The following ATRNL1 variants were observed in gnomAD, a reference collection of about 807,000 sequenced individuals.
ATRNL1 encodes the protein attractin like 1, also known as attractin-like protein 1.
A neutral mutation model predicts 182.7 loss-of-function variants in ATRNL1; 95 were observed. That is an observed-to-expected ratio of 0.52 (90% CI 0.44 to 0.62). The LOEUF is 0.62. Ranked by LOEUF, ATRNL1 falls within the 20% of genes least tolerant of loss-of-function variation. ATRNL1 has a pLI of 0.00. For missense variants in ATRNL1, 1,471 were observed against 1,679.5 expected, an observed-to-expected ratio of 0.88 and a Z score of 2.17; for synonymous variants, 576 against 568.3, an observed-to-expected ratio of 1.01 and a Z score of -0.19.
chr10:115,531,047 T>A (rs1436544301), intron 25 of ATRNL1, among the ~76,000 whole-genome samples: 64 of 152,176 alleles, frequency 4.2e-4, no homozygotes, highest in African/African-American at 1.4e-3. Flanking sequence ...TTTGGGTTGG[T>A]TCCAAGTCTT....
chr10:115,384,054 ATTATT>A (rs1439323482), intron 19 of ATRNL1, among the ~76,000 whole-genome samples: 4 of 152,014 alleles, frequency 2.6e-5, no homozygotes, highest in African/African-American at 9.6e-5. Context: ...TAAAATTAAA[ATTATT>A]TAATTAGTAT....
At chr10:115,868,861 G>A (rs1417089842) in intron 28 of ATRNL1, among the ~76,000 whole-genome samples, 1 of 68,386 alleles carries the variant, frequency 1.5e-5, no homozygotes, top group Non-Finnish European at 2.9e-5. Flanking sequence ...ACGGAGTCTC[G>A]CTCTGTCGCC....
chr10:115,719,286 A>T (rs10885789), intron 26 of ATRNL1, among the ~76,000 whole-genome samples: 1 of 151,876 alleles, frequency 6.6e-6, no homozygotes, highest in Admixed American at 6.6e-5. Context: ...TGCCACATGA[A>T]GTACAGAACT....
intron 26 of ATRNL1, among the ~76,000 whole-genome samples, chr10:115,661,826 T>C (rs959685890): frequency 6.6e-5 from 10 of 152,016 alleles, no homozygotes; most frequent in Admixed American, 3.3e-4. Flanking sequence ...AACGTGCAGG[T>C]TAGTTACATA....
chr10:115,119,481 T>A (rs905648216), intron 1 of ATRNL1, among the ~76,000 whole-genome samples: 1 of 152,002 alleles, frequency 6.6e-6, no homozygotes, highest in Non-Finnish European at 1.5e-5. Flanking sequence ...CTTGATAAAA[T>A]AATTGGGCTG....
intron 25 of ATRNL1, among the ~76,000 whole-genome samples, chr10:115,537,700 A>ATTGTTGTTTGT (rs1565145958): frequency 1.3e-5 from 2 of 151,352 alleles, no homozygotes; most frequent in African/African-American, 4.9e-5. Flanking sequence ...TTTGGTCCTT[A>ATTGTTGTTTGT]TTGTTTGTTT....
chr10:115,644,006 G>GT (rs1859436031), intron 26 of ATRNL1, among the ~76,000 whole-genome samples: 1 of 152,132 alleles, frequency 6.6e-6, no homozygotes, highest in Non-Finnish European at 1.5e-5. Flanking sequence ...CACAAAAGCT[G>GT]TATGTGAACG....
chr10:115,918,312 G>A (rs997340512), intron 28 of ATRNL1, among the ~76,000 whole-genome samples: 2 of 151,882 alleles, frequency 1.3e-5, no homozygotes, highest in Admixed American at 6.6e-5. Context: ...CATGTTGGCC[G>A]GGCTGGTCTT....
intron 19 of ATRNL1, among the ~76,000 whole-genome samples, chr10:115,355,904 A>T (rs1338448561): frequency 6.6e-6 from 1 of 152,102 alleles, no homozygotes; most frequent in Non-Finnish European, 1.5e-5. Context: ...AGTTTTTAAC[A>T]GTGATAAACT....
rs199938013 is a variant in ATRNL1 at position 115,461,721 on chromosome 10, AT to A, written c.3323-219del. On this transcript the variant is annotated intron_variant, in intron 21 of 28. Coordinates refer to ENST00000355044, the MANE Select transcript of ATRNL1 (RefSeq NM_207303.4). ...TAACTTTGTAATAGCATCAGAAATA[AT>A]AAATAAAATTTTTAAGGAATTAGTA... Among the ~76,000 whole-genome samples the A allele has an allele frequency of 3.8e-3, 580 of 152,222 alleles. 7 individuals are homozygous for A. Among genetic ancestry groups the A allele is most frequent in the Non-Finnish European group, 4.0e-3 (275 of 67,984 alleles).
chr10:115,168,899 A>C lies in ATRNL1; in HGVS notation c.1093-2138A>C, dbSNP rs569708251. 3.3e-5 allele frequency among the ~76,000 whole-genome samples: 5 copies of C among 151,936 alleles called. No individual in the cohort carries two copies. The East Asian group carries it at 7.8e-4, about 24-fold the overall frequency. On this transcript the variant is annotated intron_variant, in intron 7 of 28. Coordinates refer to ENST00000355044, the MANE Select transcript of ATRNL1 (RefSeq NM_207303.4). Reference sequence around the variant, plus strand: ...ATTCATTGCCAAATCTCAGGTCATAAAGACTTAACCCAATTTTTTTTTTCT... The same window carrying C: ...ATTCATTGCCAAATCTCAGGTCATACAGACTTAACCCAATTTTTTTTTTCT...
intron 27 of ATRNL1, among the ~76,000 whole-genome samples, chr10:115,838,410 T>C (rs1950729445): frequency 1.3e-5 from 2 of 152,182 alleles, no homozygotes; most frequent in African/African-American, 4.8e-5. Context: ...GGGAAGAAGA[T>C]ATTGTGGAAA....
rs76552565 is a variant in ATRNL1 at position 115,745,083 on chromosome 10, T to C, written c.3903+17728T>C. Among the ~76,000 whole-genome samples the C allele has an allele frequency of 8.8e-3, 1,332 of 152,098 alleles. 29 individuals carry two copies. Among genetic ancestry groups the C allele is most frequent in the South Asian group, 0.047 (225 of 4,810 alleles). On this transcript the variant is annotated intron_variant, in intron 27 of 28. Coordinates refer to ENST00000355044, the MANE Select transcript of ATRNL1 (RefSeq NM_207303.4). Reference sequence around the variant, plus strand: ...GCCCCAAGACCCTTAGAACCACTTATTTGTGCCTTTATAGTTTTGCCTTTC... The same window carrying C: ...GCCCCAAGACCCTTAGAACCACTTACTTGTGCCTTTATAGTTTTGCCTTTC...
intron 24 of ATRNL1, among the ~76,000 whole-genome samples, chr10:115,497,249 A>G (rs540435294): frequency 6.6e-6 from 1 of 152,120 alleles, no homozygotes; most frequent in Non-Finnish European, 1.5e-5. Context: ...CATTTTATCT[A>G]TCGGCTCCTG....
At chr10:115,276,636 C>G (rs971277419) in intron 13 of ATRNL1, among the ~76,000 whole-genome samples, 4 of 152,136 alleles carry the variant, frequency 2.6e-5, no homozygotes, top group African/African-American at 9.7e-5. Context: ...AGATTATGTA[C>G]ATTGATATCC....
chr10:115,507,871 A>G (rs1328134143), intron 24 of ATRNL1, among the ~76,000 whole-genome samples: 2 of 152,036 alleles, frequency 1.3e-5, no homozygotes, highest in African/African-American at 4.8e-5. Flanking sequence ...ATAAGGGATG[A>G]GGGAAAAGTT....
At chr10:115,901,835 C>A (rs1163941129) in intron 28 of ATRNL1, among the ~76,000 whole-genome samples, 1 of 151,224 alleles carries the variant, frequency 6.6e-6, no homozygotes, top group Non-Finnish European at 1.5e-5. Flanking sequence ...TTTTTTGACT[C>A]GGTAATCATG....
chr10:115,558,637 A>C (rs905797173), intron 26 of ATRNL1, among the ~76,000 whole-genome samples: 3 of 152,046 alleles, frequency 2.0e-5, no homozygotes, highest in African/African-American at 7.2e-5. Context: ...CCTGCCCCCA[A>C]ACCTAGGCGT....
Position 115,160,090 on chromosome 10 carries a change from C to T in ATRNL1, c.880C>T (p.Pro294Ser). ...VPSTESYWIL[P>S]NVKPFSPSVG... is the part of the protein sequence containing the mutation. ...CTCTACTGAGTCTTACTGGATTCTG[C>T]CAAACGTTAAACCCTTCAGTCCTTC... The change falls in exon 6 of 29, where the codon CCA (proline) becomes TCA (serine). Residue 294 changes from proline (P) to serine (S), a missense_variant. This residue lies in a region of ATRNL1 where 1,031 missense variants were observed against 1,156.0 expected (regional missense o/e 0.89). Coordinates refer to ENST00000355044, the MANE Select transcript of ATRNL1 (RefSeq NM_207303.4). 1 of 1,611,690 alleles carries T rather than the reference C, an allele frequency of 6.2e-7. No homozygotes were observed. Among genetic ancestry groups the T allele is most frequent in the South Asian group, 1.1e-5 (1 of 90,914 alleles).
Sources: allele counts gnomAD v4.1 joint callset (sites outside exome capture counted in the v4.1 genomes callset), GRCh38; gene constraint gnomAD v4.1.1; regional missense constraint gnomAD v4.1.1; transcripts MANE v1.5; gene names NCBI Gene and HGNC (gene_info 2026-07-23, HGNC 2026-07-21).